Variants in ROR2 observed in about 807,000 individuals in gnomAD.
ROR2 encodes tyrosine-protein kinase transmembrane receptor ROR2.
Under a neutral mutation model 74.9 loss-of-function variants are expected in ROR2, and 33 were observed. The observed-to-expected ratio is 0.44, with a 90% CI of 0.33 to 0.59. The LOEUF (loss-of-function observed/expected upper bound fraction) is 0.59. ROR2 is among the 20% of genes least tolerant of loss of function. ROR2 has a pLI of 0.02. For missense variants in ROR2, 1,216 were observed against 1,313.8 expected, an observed-to-expected ratio of 0.93 and a Z score of 1.15; for synonymous variants, 586 against 558.7, an observed-to-expected ratio of 1.05 and a Z score of -0.69.
chr9:91,761,755 T>C (rs906338753), intron 2 of ROR2, among the ~76,000 whole-genome samples: 1 of 152,108 alleles, frequency 6.6e-6, no homozygotes. Flanking sequence ...AAATTGACCC[T>C]TCCTCAGGAA....
intron 1 of ROR2, among the ~76,000 whole-genome samples, chr9:91,781,330 A>AC (rs1826613258): frequency 6.6e-6 from 1 of 152,208 alleles, no homozygotes; most frequent in Non-Finnish European, 1.5e-5. Context: ...AGCTCTGTGC[A>AC]CCCACTGTCC....
chr9:91,734,554 G>C (rs948984185), intron 5 of ROR2, among the ~76,000 whole-genome samples: 1 of 151,810 alleles, frequency 6.6e-6, no homozygotes, highest in Admixed American at 6.6e-5. Flanking sequence ...TGCCAGGTTT[G>C]GCCAGCAGGT....
chr9:91,861,697 T>C (rs1318294867), intron 1 of ROR2, among the ~76,000 whole-genome samples: 2 of 152,168 alleles, frequency 1.3e-5, no homozygotes, highest in East Asian at 3.8e-4. Context: ...TTAAACAGTT[T>C]CTAAGAAATA....
At chr9:91,888,593 GTAATCAACACTTC>G (rs1830347627) in intron 1 of ROR2, among the ~76,000 whole-genome samples, 1 of 152,208 alleles carries the variant, frequency 6.6e-6, no homozygotes, top group Non-Finnish European at 1.5e-5. Context: ...GATTGAAGCT[GTAATCAACACTTC>G]TGCCTCCCTG....
At chr9:91,875,232 A>G (rs1829923519) in intron 1 of ROR2, among the ~76,000 whole-genome samples, 1 of 152,232 alleles carries the variant, frequency 6.6e-6, no homozygotes. Context: ...GTGCTTTCAC[A>G]TTTTTGTGAA....
Position 91,761,994 on chromosome 9 carries a change from G to A in ROR2, c.176-4435C>T, listed in dbSNP as rs370446360. On this transcript the variant is annotated intron_variant, in intron 2 of 8. Transcript: ENST00000375708. ...CTCCCATCTCCTCAGCTGCATCACC[G>A]GATTAAAGCCTTCTTTCTTGGCAAT... Among the ~76,000 whole-genome samples, 11 of 152,254 alleles carry A rather than the reference G, an allele frequency of 7.2e-5. 2 individuals carry two copies. Among genetic ancestry groups the A allele is most frequent in the East Asian group, 1.9e-4 (1 of 5,184 alleles).
chr9:91,880,849 C>T (rs766102743), intron 1 of ROR2, among the ~76,000 whole-genome samples: 7 of 152,164 alleles, frequency 4.6e-5, no homozygotes, highest in Non-Finnish European at 1.0e-4. Context: ...AGCACAGAGC[C>T]AAATGACCCT....
intron 1 of ROR2, among the ~76,000 whole-genome samples, chr9:91,825,907 G>A (rs551223051): frequency 5.3e-5 from 8 of 152,198 alleles, no homozygotes; most frequent in East Asian, 1.9e-4. Flanking sequence ...TTCCATCGGC[G>A]AATAAACCAA....
chr9:91,803,178 G>A (rs1564286414), intron 1 of ROR2, among the ~76,000 whole-genome samples: 1 of 152,192 alleles, frequency 6.6e-6, no homozygotes, highest in Non-Finnish European at 1.5e-5. Context: ...CAGGTCGGAT[G>A]AAGAGATAAA....
chr9:91,804,089 T>C (rs1363431283), intron 1 of ROR2, among the ~76,000 whole-genome samples: 1 of 152,204 alleles, frequency 6.6e-6, no homozygotes, highest in African/African-American at 2.4e-5. Flanking sequence ...TGGCTGAGTC[T>C]ACTCATCTGA....
intron 1 of ROR2, among the ~76,000 whole-genome samples, chr9:91,836,818 C>T (rs574804624): frequency 6.6e-6 from 1 of 152,382 alleles, no homozygotes; most frequent in South Asian, 2.1e-4. Flanking sequence ...TCCACCTCTG[C>T]CGCCTGGGCA....
At chr9:91,900,644 G>T (rs575886283) in intron 1 of ROR2, among the ~76,000 whole-genome samples, 2 of 152,182 alleles carry the variant, frequency 1.3e-5, no homozygotes, top group African/African-American at 4.8e-5. Flanking sequence ...GACTCCTCGC[G>T]GGGCACGTCG....
intron 1 of ROR2, among the ~76,000 whole-genome samples, chr9:91,787,384 G>A (rs368372944): frequency 6.6e-6 from 1 of 152,098 alleles, no homozygotes; most frequent in Admixed American, 6.5e-5. Flanking sequence ...GGTGGTGGGT[G>A]CCTGTAATCC....
chr9:91,774,925 G>A (rs1826367629), intron 2 of ROR2, among the ~76,000 whole-genome samples: 1 of 152,204 alleles, frequency 6.6e-6, no homozygotes, highest in Admixed American at 6.5e-5. Flanking sequence ...TAGGACTATT[G>A]GGTCGGTTTC....
chr9:91,748,708 C>T (rs949266333), intron 4 of ROR2, among the ~76,000 whole-genome samples: 1 of 152,154 alleles, frequency 6.6e-6, no homozygotes, highest in African/African-American at 2.4e-5. Context: ...TATGCCGGGT[C>T]GTCATGGAGA....
chr9:91,888,952 T>C (rs924664775), intron 1 of ROR2, among the ~76,000 whole-genome samples: 2 of 152,214 alleles, frequency 1.3e-5, no homozygotes, highest in East Asian at 1.9e-4. Context: ...ATTTTTTTCA[T>C]GTTTATGGCT....
intron 1 of ROR2, among the ~76,000 whole-genome samples, chr9:91,904,914 C>T (rs565620345): frequency 1.3e-5 from 2 of 152,186 alleles, no homozygotes; most frequent in East Asian, 3.9e-4. Context: ...CACGTGTGCG[C>T]ACACACACCA....
chr9:91,756,322 T>C lies in ROR2; in HGVS notation c.464-221A>G, dbSNP rs3802376. 0.03 allele frequency among the ~76,000 whole-genome samples: 4,556 copies of C among 152,244 alleles called. 237 individuals are homozygous for C. The highest frequency in any genetic ancestry group is 0.16 in the East Asian group (831 of 5,160). The stretch of plus-strand genomic sequence containing the variant: ...CTGAGGATATCTTTGTTTTTGGAGT[T>C]TTTGCTGTCCTTACTCTCTCTCTTC... On this transcript the variant is annotated intron_variant, in intron 3 of 8. Coordinates refer to ENST00000375708, the MANE Select transcript of ROR2 (RefSeq NM_004560.4).
At chr9:91,900,803 G>A (rs1830659948) in intron 1 of ROR2, among the ~76,000 whole-genome samples, 1 of 152,174 alleles carries the variant, frequency 6.6e-6, no homozygotes, top group African/African-American at 2.4e-5. Context: ...AGAGGCATAG[G>A]TTCCAGCTTG....
Sources: gnomAD v4.1 joint callset for allele counts (sites outside exome capture counted in the v4.1 genomes callset) on GRCh38, gnomAD v4.1.1 for gene constraint, MANE v1.5 for transcripts, NCBI Gene and HGNC (gene_info 2026-07-23, HGNC 2026-07-21) for gene names.